KYAT1: variants seen among roughly 807,000 people sequenced by gnomAD.
The protein encoded by KYAT1 is kynurenine--oxoglutarate transaminase 1.
A neutral mutation model predicts 52.4 loss-of-function variants in KYAT1; 47 were observed. The ratio of observed to expected loss-of-function variants is 0.90; its 90% CI spans 0.71 to 1.14. KYAT1 has a LOEUF of 1.14. Among genes scored for constraint, KYAT1 ranks in the 50% most tolerant of loss-of-function variants. The pLI is 0.00. For missense variants in KYAT1, 480 were observed against 557.9 expected (o/e 0.86, Z 1.41); for synonymous variants, 212 against 209.6 (o/e 1.01, Z -0.10).
intron 1 of KYAT1, among the ~76,000 whole-genome samples, chr9:128,866,319 G>T (rs184261320): frequency 6.6e-6 from 1 of 152,238 alleles, no homozygotes; most frequent in Non-Finnish European, 1.5e-5. Context: ...GCAAATAGTC[G>T]CTGGGTGTGG....
intron 1 of KYAT1, among the ~76,000 whole-genome samples, chr9:128,881,597 A>G (rs1838917396): frequency 6.6e-6 from 1 of 152,024 alleles, no homozygotes; most frequent in Non-Finnish European, 1.5e-5. Context: ...TGGGGACCCA[A>G]TTCCAACCCC....
At chr9:128,857,170 T>C (rs1038213016) in intron 1 of KYAT1, among the ~76,000 whole-genome samples, 2 of 152,236 alleles carry the variant, frequency 1.3e-5, no homozygotes, top group African/African-American at 4.8e-5. Context: ...CCCTTGAACT[T>C]AATTATGACA....
At position 128,835,793 on chromosome 9, in the gene KYAT1, G is replaced by A. The variant is rs368009186; in HGVS notation, c.841C>T (p.Pro281Ser). 3.1e-6 allele frequency: 5 copies of A among 1,613,118 alleles called. No homozygotes were observed. Among genetic ancestry groups the A allele is most frequent in the African/African-American group, 1.3e-5 (1 of 74,906 alleles). Reference sequence around the variant, plus strand: ...CCCCTCTTCACCTGGCTCTGCGTGGGGCAGTGGAAGACGGAGTTCTGGTGC... The same window carrying A: ...CCCCTCTTCACCTGGCTCTGCGTGGAGCAGTGGAAGACGGAGTTCTGGTGC... ...TVHQNSVFHC[P>S]TQSQAAVAES... is the part of the protein sequence containing the mutation. Residue 281 changes from proline to serine, a missense_variant, in exon 9 of 13, where the codon CCC becomes TCC. By Grantham distance (74) the Pro-to-Ser change is moderately conservative (BLOSUM62 -1). Coordinates refer to ENST00000302586, the MANE Select transcript of KYAT1 (RefSeq NM_004059.5).
intron 1 of KYAT1, among the ~76,000 whole-genome samples, chr9:128,852,413 G>C (rs1177911821): frequency 6.6e-6 from 1 of 152,132 alleles, no homozygotes; most frequent in Non-Finnish European, 1.5e-5. Context: ...GAACCAGCCA[G>C]GTTTTAGTGG....
chr9:128,854,484 C>A (rs1302766889), intron 1 of KYAT1, among the ~76,000 whole-genome samples: 1 of 152,170 alleles, frequency 6.6e-6, no homozygotes, highest in Non-Finnish European at 1.5e-5. Flanking sequence ...AGTTTGGGTA[C>A]CTACAACTTA....
chr9:128,865,359 A>ATTTTT (rs776787253), intron 1 of KYAT1, among the ~76,000 whole-genome samples: 7 of 27,316 alleles, frequency 2.6e-4, no homozygotes, highest in Admixed American at 5.6e-4. Context: ...ATATATATAT[A>ATTTTT]TTTTTTTTTT....
intron 1 of KYAT1, among the ~76,000 whole-genome samples, chr9:128,877,906 C>T (rs980249730): frequency 2.6e-5 from 4 of 152,136 alleles, no homozygotes; most frequent in Non-Finnish European, 1.5e-5. Flanking sequence ...ACTGGGGATA[C>T]CATGCCCAGG....
chr9:128,864,478 C>A (rs1310274255), intron 1 of KYAT1, among the ~76,000 whole-genome samples: 1 of 151,308 alleles, frequency 6.6e-6, no homozygotes, highest in African/African-American at 2.4e-5. Flanking sequence ...GAACTGTTTT[C>A]ATCTTGTAAA....
At chr9:128,834,980 C>A (rs1044587923) in intron 11 of KYAT1, among the ~76,000 whole-genome samples, 2 of 150,608 alleles carry the variant, frequency 1.3e-5, no homozygotes, top group Admixed American at 6.6e-5. Flanking sequence ...ACCAAAAATA[C>A]AAAAAAAATT....
intron 1 of KYAT1, among the ~76,000 whole-genome samples, chr9:128,856,521 AT>A (rs1356679173): frequency 2.6e-5 from 4 of 152,210 alleles, no homozygotes; most frequent in Non-Finnish European, 5.9e-5. Flanking sequence ...AAGAAATTCC[AT>A]TTTGACCTGT....
intron 1 of KYAT1, among the ~76,000 whole-genome samples, chr9:128,858,596 G>T (rs1835008989): frequency 6.6e-6 from 1 of 151,768 alleles, no homozygotes; most frequent in African/African-American, 2.4e-5. Context: ...TACTTGGAAG[G>T]CTGAGACTGG....
intron 1 of KYAT1, among the ~76,000 whole-genome samples, chr9:128,853,630 G>A (rs146777112): frequency 2.0e-5 from 3 of 152,066 alleles, no homozygotes; most frequent in South Asian, 2.1e-4. Flanking sequence ...ACTCATATTC[G>A]AACACATACT....
Position 128,842,662 on chromosome 9 carries a change from T to A in KYAT1, c.193A>T (p.Lys65Ter), listed in dbSNP as rs376331696. The A allele has an allele frequency of 5.6e-6, 9 of 1,613,786 alleles. No homozygotes were observed. Among genetic ancestry groups the A allele is most frequent in the Non-Finnish European group, 7.6e-6 (9 of 1,179,886 alleles). Residue 65 changes from lysine to a stop codon, truncating the protein, a stop_gained, in exon 3 of 13, where the codon AAG becomes TAG. Transcript: ENST00000302586. LOFTEE classifies it high-confidence loss of function. ...SGDFMLNQYTKTFGYPPLTKI... is the reference protein window; with the variant it reads ...SGDFMLNQYT ...GAGATGGGGAGACTCACAAATGTCT[T>A]GGTGTACTGGTTAAGCATGAAGTCT...
At chr9:128,841,186 A>G (rs1349579224) in intron 3 of KYAT1, among the ~76,000 whole-genome samples, 2 of 152,156 alleles carry the variant, frequency 1.3e-5, no homozygotes, top group African/African-American at 4.8e-5. Context: ...CCGGACTAAC[A>G]TGGTGAAACC....
At chr9:128,865,332 TATATATATATATATATATATATATATA>T (rs1564491539) in intron 1 of KYAT1, among the ~76,000 whole-genome samples, 80 of 2,338 alleles carry the variant, frequency 0.034, 1 homozygote, top group Non-Finnish European at 0.085. Flanking sequence ...TATATATATA[TATATATATATATATATATATATATATA>T]TTTTTTTTTT....
intron 2 of KYAT1, 34 bp from the exon 3 acceptor site, chr9:128,842,835 G>C (rs748598491): frequency 6.3e-7 from 1 of 1,597,376 alleles, no homozygotes; most frequent in Non-Finnish European, 8.5e-7. Context: ...CACCAGCCCA[G>C]CCCTCCATGG....
intron 1 of KYAT1, among the ~76,000 whole-genome samples, chr9:128,860,868 G>A (rs1040541286): frequency 6.6e-6 from 1 of 151,886 alleles, no homozygotes; most frequent in Non-Finnish European, 1.5e-5. Flanking sequence ...CGGCCCACAC[G>A]CATTTATTAA....
chr9:128,846,568 A>ACTC, intron 1 of KYAT1: 6 of 745,320 alleles, frequency 8.1e-6, no homozygotes, highest in Non-Finnish European at 1.2e-5. Flanking sequence ...CAGCCACTGC[A>ACTC]CTCCTGCCCG....
Position 128,837,707 on chromosome 9 carries a change from G to A in KYAT1, c.545C>T (p.Thr182Ile). ...TACCTTGCCCAGGGGGTTGTTGGGG[G>A]TGTTGAGGACCAGGGCTTTGGTGCG... ...TSRTKALVLN[T>I]PNNPLGKVFS... is the part of the protein sequence containing the mutation. The change falls in exon 6 of 13, where the codon ACC becomes ATC. Residue 182 changes from threonine to isoleucine, a missense_variant. Coordinates refer to ENST00000302586, the MANE Select transcript of KYAT1 (RefSeq NM_004059.5). 1.9e-6 allele frequency: 3 copies of A among 1,614,148 alleles called. No individual in the cohort carries two copies. The highest frequency in any genetic ancestry group is 2.5e-6 in the Non-Finnish European group (3 of 1,180,018).
Sources: allele counts gnomAD v4.1 joint callset (sites outside exome capture counted in the v4.1 genomes callset), GRCh38; gene constraint gnomAD v4.1.1; transcripts MANE v1.5; gene names NCBI Gene and HGNC (gene_info 2026-07-23, HGNC 2026-07-21).